Variants in RHBDL3 observed in about 807,000 individuals in gnomAD.
RHBDL3 encodes the protein rhomboid like 3.
Under a neutral mutation model 48.2 loss-of-function variants are expected in RHBDL3, and 28 were observed. The observed-to-expected ratio is 0.58, with a 90% CI of 0.43 to 0.80. The LOEUF (loss-of-function observed/expected upper bound fraction) is 0.80, where lower values mean the gene tolerates loss of function less well. RHBDL3 is among the 30% of genes least tolerant of loss of function. The probability of loss-of-function intolerance (pLI) is 0.00; values close to 1 mark genes in which losing one functional copy is unlikely to be tolerated. For missense variants in RHBDL3, 464 were observed against 542.7 expected (o/e 0.85, Z 1.44); for synonymous variants, 208 against 232.3 (o/e 0.90, Z 0.95).
intron 8 of RHBDL3, among the ~76,000 whole-genome samples, chr17:32,319,486 G>T (rs2041061686): frequency 6.6e-6 from 1 of 151,428 alleles, no homozygotes; most frequent in Non-Finnish European, 1.5e-5. Flanking sequence ...CTGTATCGGA[G>T]TTGGAGACCA....
intron 7 of RHBDL3, among the ~76,000 whole-genome samples, chr17:32,314,390 T>A (rs1439983281): frequency 6.6e-6 from 1 of 151,732 alleles, no homozygotes; most frequent in Non-Finnish European, 1.5e-5. Flanking sequence ...TTTTTATTTT[T>A]ATTTTTTTTG....
chr17:32,318,325 T>TA (rs756087293), intron 8 of RHBDL3, among the ~76,000 whole-genome samples: 2,369 of 144,672 alleles, frequency 0.016, 60 homozygotes, highest in African/African-American at 0.054. Flanking sequence ...GACCTTGCCT[T>TA]AAAAAAAAAA....
Position 32,271,408 on chromosome 17 carries a change from C to T in RHBDL3, c.135+3483C>T, listed in dbSNP as rs549418047. Among the ~76,000 whole-genome samples the T allele has an allele frequency of 3.3e-5, 5 of 152,252 alleles. No individual in the cohort carries two copies. In the South Asian group the frequency reaches 8.3e-4, roughly 25 times the overall value. The stretch of plus-strand genomic sequence containing the variant: ...CACAGGTAATGTCCCCTTTAGTTAT[C>T]GCTTTACATCTGTTCCATAGGTTTC... On this transcript the variant is annotated intron_variant, in intron 2 of 8. Coordinates refer to ENST00000269051, the MANE Select transcript of RHBDL3 (RefSeq NM_138328.3).
intron 2 of RHBDL3, 60 bp downstream of exon 2, chr17:32,267,985 C>T (rs1293637746): frequency 7.3e-7 from 1 of 1,369,940 alleles, no homozygotes; most frequent in Non-Finnish European, 1.0e-6. Flanking sequence ...GTCTCAGTCT[C>T]CCTGCTTGCG....
chr17:32,312,239 C>G (rs1244751513), intron 7 of RHBDL3, among the ~76,000 whole-genome samples: 1 of 152,122 alleles, frequency 6.6e-6, no homozygotes, highest in Non-Finnish European at 1.5e-5. Flanking sequence ...AGTTCTGAAC[C>G]AGCCTGGGCA....
intron 4 of RHBDL3, among the ~76,000 whole-genome samples, chr17:32,293,828 T>TGG (rs2150723906): frequency 6.6e-6 from 1 of 151,594 alleles, no homozygotes; most frequent in African/African-American, 2.4e-5. Context: ...GGGTGAGGGG[T>TGG]GGTTAAAAGC....
chr17:32,287,685 A>T (rs753750), intron 3 of RHBDL3, among the ~76,000 whole-genome samples: 50,227 of 152,062 alleles, frequency 0.33, 8,977 homozygotes, highest in African/African-American at 0.46. Context: ...ACCAGCCCAC[A>T]GGGCTCCTGC....
intron 4 of RHBDL3, among the ~76,000 whole-genome samples, chr17:32,292,628 A>G (rs770330237): frequency 1.3e-5 from 2 of 152,000 alleles, no homozygotes; most frequent in African/African-American, 2.4e-5. Context: ...ACATGGTGAA[A>G]TGCTGTCTCT....
chr17:32,274,794 A>T (rs2039854529), intron 2 of RHBDL3, among the ~76,000 whole-genome samples: 1 of 124,144 alleles, frequency 8.1e-6, no homozygotes, highest in African/African-American at 3.3e-5. Flanking sequence ...GCATGTGTAT[A>T]TATGTGTGCA....
rs549895836 is a variant in RHBDL3 at position 32,308,834 on chromosome 17, G to A, written c.882+3393G>A. On this transcript the variant is annotated intron_variant, in intron 7 of 8. Coordinates refer to ENST00000269051, the MANE Select transcript of RHBDL3 (RefSeq NM_138328.3). ...TGTAATCCCAGCACTTTGGGAGGCC[G>A]AGGCGGGTGGATCACGAGGTCAGGA... Among the ~76,000 whole-genome samples the A allele has an allele frequency of 1.4e-4, 21 of 152,142 alleles. No individual in the cohort carries two copies. The South Asian group carries it at 4.1e-3, about 30-fold the overall frequency.
chr17:32,300,966 C>T (rs751888285), intron 6 of RHBDL3, among the ~76,000 whole-genome samples: 5 of 152,050 alleles, frequency 3.3e-5, no homozygotes, highest in Admixed American at 6.6e-5. Flanking sequence ...CTGCAACCTC[C>T]GCCTCTTGCG....
intron 6 of RHBDL3, among the ~76,000 whole-genome samples, chr17:32,298,652 G>A (rs1370559242): frequency 1.3e-5 from 2 of 152,380 alleles, no homozygotes; most frequent in East Asian, 3.9e-4. Context: ...GATCCCCACA[G>A]GGGAATCAAA....
intron 7 of RHBDL3, among the ~76,000 whole-genome samples, chr17:32,305,847 G>T (rs921008435): frequency 6.6e-6 from 1 of 151,882 alleles, no homozygotes; most frequent in East Asian, 1.9e-4. Flanking sequence ...GAACCCAGGA[G>T]GTGGAGCTTG....
In RHBDL3 at chr17:32,279,431, C is replaced by T. The variant is rs966627698; in HGVS notation, c.136-5228C>T. On this transcript the variant is annotated intron_variant, in intron 2 of 8. Transcript: ENST00000269051. ...CCCCATAGCCCCTAGAACTCTGCAG[C>T]GTAGTTTGAAAACCACTGAGTTTCC... 1.1e-4 allele frequency among the ~76,000 whole-genome samples: 17 copies of T among 152,160 alleles called. 1 individual carries two copies. Among genetic ancestry groups the T allele is most frequent in the African/African-American group, 3.9e-4 (16 of 41,434 alleles).
At position 32,294,456 on chromosome 17, in the gene RHBDL3, T is replaced by G. The variant is rs2040406273; in HGVS notation, c.668+14T>G. On this transcript the variant is annotated intron_variant, in intron 5 of 8. Transcript: ENST00000269051. ...CATGCATGCAGGGTGAGTACCTGTC[T>G]TCTTTTGCTCTGTCAAAAGACCCTA... 1 of 1,611,362 alleles carries G rather than the reference T, an allele frequency of 6.2e-7. No individual in the cohort carries two copies. Among genetic ancestry groups the G allele is most frequent in the African/African-American group, 1.3e-5 (1 of 74,942 alleles).
At chr17:32,271,024 C>T (rs1342265827) in intron 2 of RHBDL3, among the ~76,000 whole-genome samples, 1 of 152,068 alleles carries the variant, frequency 6.6e-6, no homozygotes, top group Non-Finnish European at 1.5e-5. Flanking sequence ...AGCGAGACCC[C>T]ACCTCCGTTT....
At position 32,324,366 on chromosome 17, in the gene RHBDL3, G is replaced by C. The variant is rs759443950; in HGVS notation, c.*3137G>C. 6.6e-6 allele frequency: 1 copy of C among 152,614 alleles called. No homozygotes were observed. Among genetic ancestry groups the C allele is most frequent in the Non-Finnish European group, 1.5e-5 (1 of 68,038 alleles). The allele number at this position is 152,614 out of a possible 1,614,324, so 9.5% of individuals were successfully genotyped here. A position where few individuals can be genotyped will look rare whatever the true frequency, so the allele number is the denominator to read the frequency against. On this transcript the variant is annotated 3_prime_UTR_variant, in exon 9 of 9. Transcript: ENST00000269051. ...CTCACCACACCAGGATCTTCCCCCAGCGTCCAATTTAATTTGCAAATACGT... is the reference window on the plus strand; with the variant it reads ...CTCACCACACCAGGATCTTCCCCCACCGTCCAATTTAATTTGCAAATACGT...
intron 2 of RHBDL3, among the ~76,000 whole-genome samples, chr17:32,276,790 T>G (rs1338081662): frequency 9.7e-6 from 1 of 102,812 alleles, no homozygotes; most frequent in Non-Finnish European, 1.8e-5. Context: ...ACTCCGGCCC[T>G]AGCACCTTAC....
At chr17:32,309,963 G>A (rs550998714) in intron 7 of RHBDL3, among the ~76,000 whole-genome samples, 148 of 151,520 alleles carry the variant, frequency 9.8e-4, no homozygotes, top group Non-Finnish European at 1.8e-3. Flanking sequence ...TGCCCAGGCT[G>A]GTCTCGAACT....
Sources: gnomAD v4.1 joint callset for allele counts (sites outside exome capture counted in the v4.1 genomes callset) on GRCh38, gnomAD v4.1.1 for gene constraint, MANE v1.5 for transcripts, NCBI Gene and HGNC (gene_info 2026-07-23, HGNC 2026-07-21) for gene names.